TGS1: variants seen among roughly 807,000 people sequenced by gnomAD.
The protein encoded by TGS1 is trimethylguanosine synthase 1.
TGS1 carries 69 observed loss-of-function variants against 92.2 expected under a neutral mutation model. The ratio of observed to expected loss-of-function variants is 0.75; its 90% CI spans 0.62 to 0.91. The LOEUF is 0.91. TGS1 is among the 40% of genes least tolerant of loss of function. The pLI is 0.00. For synonymous variants in TGS1, 345 were observed against 338.1 expected (o/e 1.02, Z -0.22); for missense variants, 1,062 against 1,001.2 (o/e 1.06, Z -0.82).
At chr8:55,813,187 G>A in intron 12 of TGS1, 69 bp downstream of exon 12, 1 of 1,096,952 alleles carries the variant, frequency 9.1e-7, no homozygotes, top group South Asian at 1.4e-5. Context: ...AAAGATACAG[G>A]ACATATCCTT....
chr8:55,802,346 T>C, intron 8 of TGS1, 111 bp from the exon 9 acceptor site: 1 of 861,370 alleles, frequency 1.2e-6, no homozygotes, highest in South Asian at 1.7e-5. Flanking sequence ...CGTGTCATTA[T>C]ATACATGTTC....
chr8:55,795,187 A>G (rs893192744), intron 6 of TGS1, among the ~76,000 whole-genome samples: 7 of 152,208 alleles, frequency 4.6e-5, no homozygotes, highest in African/African-American at 7.2e-5. Context: ...TTTTGATAGT[A>G]TACACTTGTA....
chr8:55,809,413 C>G (rs935193712), intron 10 of TGS1, among the ~76,000 whole-genome samples: 1 of 151,120 alleles, frequency 6.6e-6, no homozygotes, highest in Non-Finnish European at 1.5e-5. Flanking sequence ...ATTAAGCTGT[C>G]GAGGTGTGCT....
intron 6 of TGS1, among the ~76,000 whole-genome samples, chr8:55,793,495 A>G (rs112326667): frequency 0.015 from 2,271 of 152,300 alleles, 63 homozygotes; most frequent in African/African-American, 0.051. Flanking sequence ...CTCAAAAAAA[A>G]GAGTTTGGCA....
chr8:55,780,370 C>T (rs1464835583), intron 1 of TGS1, among the ~76,000 whole-genome samples: 1 of 151,914 alleles, frequency 6.6e-6, no homozygotes, highest in Non-Finnish European at 1.5e-5. Flanking sequence ...GGGGTCTGAC[C>T]TTGCATAACC....
chr8:55,820,727 C>A (rs1214731339), intron 12 of TGS1, among the ~76,000 whole-genome samples: 1 of 152,096 alleles, frequency 6.6e-6, no homozygotes, highest in East Asian at 1.9e-4. Flanking sequence ...TAGTTCTGGT[C>A]CAAATTAATT....
chr8:55,774,423 T>C (rs1811320533), intron 1 of TGS1, among the ~76,000 whole-genome samples: 1 of 152,242 alleles, frequency 6.6e-6, no homozygotes, highest in South Asian at 2.1e-4. Context: ...GTGAATTTTA[T>C]GTGATAGACT....
chr8:55,798,784 G>A, intron 7 of TGS1, 130 bp from the exon 8 acceptor site: 1 of 675,620 alleles, frequency 1.5e-6, no homozygotes. Flanking sequence ...AAGCTTGTGT[G>A]ATGCAGTCTG....
intron 12 of TGS1, among the ~76,000 whole-genome samples, chr8:55,820,473 G>A (rs968473153): frequency 6.6e-6 from 1 of 152,136 alleles, no homozygotes; most frequent in African/African-American, 2.4e-5. Context: ...AGGAGGCAGA[G>A]GTTGCAGTGA....
Position 55,804,976 on chromosome 8 carries a change from G to C in TGS1, c.2083G>C (p.Val695Leu), listed in dbSNP as rs764295817. ...TCAGTCCTTCAAGTGTGACGTTGTA[G>C]TAGACGCATTCTGTGGAGTTGGAGG... ...VSQSFKCDVVVDAFCGVGGNT... is the reference protein window; with the variant it reads ...VSQSFKCDVVLDAFCGVGGNT... The change falls in exon 10 of 13, where the codon GTA becomes CTA. Residue 695 changes from valine to leucine, a missense_variant. Physicochemically the swap from Val to Leu is conservative, Grantham distance 32 (BLOSUM62 1). Transcript: ENST00000260129. 1 of 1,614,070 alleles carries C rather than the reference G, an allele frequency of 6.2e-7. No homozygotes were observed. Among genetic ancestry groups the C allele is most frequent in the Non-Finnish European group, 8.5e-7 (1 of 1,179,986 alleles).
intron 10 of TGS1, among the ~76,000 whole-genome samples, chr8:55,809,624 T>C (rs1211938290): frequency 6.6e-6 from 1 of 152,120 alleles, no homozygotes; most frequent in Non-Finnish European, 1.5e-5. Context: ...ACCTGGCTAA[T>C]TTTTTGTGTT....
intron 1 of TGS1, among the ~76,000 whole-genome samples, chr8:55,774,150 C>T (rs1390729400): frequency 6.6e-6 from 1 of 152,102 alleles, no homozygotes; most frequent in Non-Finnish European, 1.5e-5. Flanking sequence ...AAACTTCAAA[C>T]TAGTTGAGAT....
intron 7 of TGS1, among the ~76,000 whole-genome samples, chr8:55,796,475 A>C (rs1160389492): frequency 6.6e-6 from 1 of 152,170 alleles, no homozygotes; most frequent in African/African-American, 2.4e-5. Flanking sequence ...GGATCACCTG[A>C]GGTCGGGAGT....
intron 4 of TGS1, among the ~76,000 whole-genome samples, chr8:55,789,340 C>T (rs562885117): frequency 1.1e-4 from 17 of 152,156 alleles, no homozygotes; most frequent in Non-Finnish European, 2.4e-4. Flanking sequence ...CTTTGTTACT[C>T]TCATTATTAA....
At chr8:55,805,807 A>G (rs1812349500) in intron 10 of TGS1, among the ~76,000 whole-genome samples, 1 of 149,990 alleles carries the variant, frequency 6.7e-6, no homozygotes, top group African/African-American at 2.4e-5. Flanking sequence ...GCTTGAACCT[A>G]GGAGGCAGAG....
chr8:55,812,204 A>G (rs1443249695), intron 11 of TGS1, among the ~76,000 whole-genome samples: 2 of 152,098 alleles, frequency 1.3e-5, no homozygotes, highest in African/African-American at 4.8e-5. Flanking sequence ...GACTCTTAAC[A>G]GGAAAGATAT....
chr8:55,815,221 T>C (rs979238660), intron 12 of TGS1, among the ~76,000 whole-genome samples: 3 of 152,170 alleles, frequency 2.0e-5, no homozygotes, highest in Non-Finnish European at 1.5e-5. Context: ...TCAAAAACTT[T>C]CCAGAATTGG....
At chr8:55,823,348 T>G (rs1171862194) in intron 12 of TGS1, among the ~76,000 whole-genome samples, 1 of 152,212 alleles carries the variant, frequency 6.6e-6, no homozygotes, top group Admixed American at 6.5e-5. Flanking sequence ...CCCATCCCCC[T>G]GTCAAATGCT....
chr8:55,786,999 T>C lies in TGS1; in HGVS notation c.1101T>C (p.Asn367=), dbSNP rs961019607. ...CTTCCGGCCAAAGTGAACCACGTAA[T>C]GGAGGAACCAATGAGGAAAGCAACT... is the stretch of plus-strand genomic sequence containing the variant. ...CPASGQSEPR[N]GGTNEESNSS... The change falls in exon 4 of 13, where the codon AAT becomes AAC. Residue 367 remains asparagine, a synonymous_variant. Coordinates refer to ENST00000260129, the MANE Select transcript of TGS1 (RefSeq NM_024831.8). The C allele has an allele frequency of 1.1e-5, 17 of 1,614,080 alleles. No homozygotes were observed. In the Admixed American group the frequency reaches 2.0e-4, roughly 19 times the overall value.
Sources: allele counts gnomAD v4.1 joint callset (sites outside exome capture counted in the v4.1 genomes callset), GRCh38; gene constraint gnomAD v4.1.1; transcripts MANE v1.5; gene names NCBI Gene and HGNC (gene_info 2026-07-23, HGNC 2026-07-21).